PCDHA4: variants seen among roughly 807,000 people sequenced by gnomAD.
PCDHA4 encodes the protein protocadherin alpha-4.
Under a neutral mutation model 61.4 loss-of-function variants are expected in PCDHA4, and 49 were observed. The observed-to-expected ratio is 0.80, with a 90% confidence interval of 0.63 to 1.01. The LOEUF (loss-of-function observed/expected upper bound fraction) is 1.01. Ranked by LOEUF, PCDHA4 falls within the 50% of genes least tolerant of loss-of-function variation. The pLI, the probability that PCDHA4 is intolerant of heterozygous loss-of-function variation, is 0.00. For synonymous variants in PCDHA4, 590 were observed against 550.3 expected (o/e 1.07, Z -1.01); for missense variants, 1,254 against 1,235.8 (o/e 1.01, Z -0.22).
intron 1 of PCDHA4, chr5:140,870,054 T>G (rs895309313): frequency 1.2e-6 from 2 of 1,613,676 alleles, no homozygotes; most frequent in Non-Finnish European, 8.5e-7. Context: ...TTTATAAAAT[T>G]GAAGTACAGG....
chr5:140,916,910 A>G (rs898370877), intron 1 of PCDHA4, among the ~76,000 whole-genome samples: 3 of 152,194 alleles, frequency 2.0e-5, no homozygotes, highest in African/African-American at 7.2e-5. Context: ...AAGTTTACCT[A>G]GAACCTCAGA....
At chr5:140,935,616 C>T (rs1247673748) in intron 1 of PCDHA4, among the ~76,000 whole-genome samples, 13 of 151,976 alleles carry the variant, frequency 8.6e-5, no homozygotes, top group African/African-American at 3.1e-4. Flanking sequence ...TTTTTCAAGT[C>T]GCTTTCAAAT....
At chr5:140,911,987 G>A (rs1554195079) in intron 1 of PCDHA4, among the ~76,000 whole-genome samples, 1 of 152,086 alleles carries the variant, frequency 6.6e-6, no homozygotes, top group Admixed American at 6.6e-5. Context: ...TGATCACAAG[G>A]TCCCACAATA....
intron 1 of PCDHA4, among the ~76,000 whole-genome samples, chr5:140,838,812 C>T (rs1475973999): frequency 6.6e-6 from 1 of 151,910 alleles, no homozygotes; most frequent in Non-Finnish European, 1.5e-5. Context: ...GTTTCAGCTA[C>T]TCAAGAAACT....
rs781833961 is a variant in PCDHA4 at position 140,836,399 on chromosome 5, C to A, written c.2385+26827C>A. 2 of 1,613,764 alleles carry A rather than the reference C, an allele frequency of 1.2e-6. No homozygotes were observed. The highest frequency in any genetic ancestry group is 8.5e-7 in the Non-Finnish European group (1 of 1,179,846). On this transcript the variant is annotated intron_variant, in intron 1 of 3. Coordinates refer to ENST00000530339, the MANE Select transcript of PCDHA4 (RefSeq NM_018907.4). ...CCGTGCTGGTGTCGCTGGTGGAAAG[C>A]GGCCAGGCACCAAAGGCGTCGTCGC...
intron 1 of PCDHA4, chr5:140,863,693 C>T: frequency 3.3e-6 from 1 of 301,562 alleles, no homozygotes; most frequent in African/African-American, 2.2e-5. Flanking sequence ...TTTTGAGATG[C>T]TTTATTTAAA....
chr5:140,829,648 G>C (rs2150172028), intron 1 of PCDHA4: 2 of 1,612,244 alleles, frequency 1.2e-6, no homozygotes, highest in South Asian at 2.2e-5. Flanking sequence ...AGGTGTACGC[G>C]CTGCAGCCGC....
intron 1 of PCDHA4, chr5:140,828,394 G>A: frequency 6.2e-7 from 1 of 1,614,292 alleles, no homozygotes; most frequent in East Asian, 2.2e-5. Context: ...GGAGCGCGGA[G>A]TGCAGCATCC....
intron 1 of PCDHA4, among the ~76,000 whole-genome samples, chr5:140,905,926 A>G (rs1040903041): frequency 6.6e-6 from 1 of 152,318 alleles, no homozygotes; most frequent in East Asian, 1.9e-4. Flanking sequence ...TCTGAGTCCC[A>G]AAGCTGAAGA....
At chr5:140,968,852 A>G (rs1554231175) in intron 1 of PCDHA4, 1 of 1,614,196 alleles carries the variant, frequency 6.2e-7, no homozygotes, top group Non-Finnish European at 8.5e-7. Flanking sequence ...GAGGCATGTT[A>G]AGAGCCCTCG....
chr5:141,001,378 C>T (rs889628264), intron 3 of PCDHA4, among the ~76,000 whole-genome samples: 20 of 152,166 alleles, frequency 1.3e-4, no homozygotes, highest in African/African-American at 4.8e-4. Flanking sequence ...GATTACAGAG[C>T]CTAAGATCCT....
At chr5:140,961,872 G>A (rs2095639337) in intron 1 of PCDHA4, among the ~76,000 whole-genome samples, 1 of 151,532 alleles carries the variant, frequency 6.6e-6, no homozygotes, top group Non-Finnish European at 1.5e-5. Flanking sequence ...ACAGATAATT[G>A]ACTTACTTAC....
intron 1 of PCDHA4, chr5:140,850,332 C>T (rs1349532162): frequency 1.3e-6 from 2 of 1,597,432 alleles, no homozygotes; most frequent in Admixed American, 1.7e-5. Context: ...CGAGCTGCAG[C>T]CAGAAACGGC....
At chr5:141,002,134 C>T (rs1477082485) in intron 3 of PCDHA4, among the ~76,000 whole-genome samples, 1 of 152,216 alleles carries the variant, frequency 6.6e-6, no homozygotes, top group African/African-American at 2.4e-5. Flanking sequence ...TAGCCTTTGC[C>T]GGCTGCACTG....
At chr5:140,822,783 A>G (rs1177899352) in intron 1 of PCDHA4, 2 of 1,614,034 alleles carry the variant, frequency 1.2e-6, no homozygotes, top group African/African-American at 1.3e-5. Flanking sequence ...GTAAAGTAGT[A>G]GTGAAACTCC....
intron 1 of PCDHA4, among the ~76,000 whole-genome samples, chr5:140,879,372 G>T (rs1434937494): frequency 1.3e-5 from 2 of 152,172 alleles, no homozygotes; most frequent in African/African-American, 4.8e-5. Context: ...CCAACCTGCA[G>T]AACAAGGTTG....
chr5:140,980,229 T>C (rs2096881022), intron 2 of PCDHA4, among the ~76,000 whole-genome samples: 1 of 152,232 alleles, frequency 6.6e-6, no homozygotes, highest in South Asian at 2.1e-4. Flanking sequence ...TCTGAGCTGT[T>C]GGTGGAGACA....
intron 1 of PCDHA4, among the ~76,000 whole-genome samples, chr5:140,962,126 C>T (rs1429316991): frequency 6.6e-6 from 1 of 152,094 alleles, no homozygotes; most frequent in African/African-American, 2.4e-5. Flanking sequence ...ACCTTGGCCT[C>T]GGCCTCCCAA....
chr5:140,816,485 G>A (rs1765913989), intron 1 of PCDHA4: 2 of 149,216 alleles, frequency 1.3e-5, no homozygotes, highest in African/African-American at 5.0e-5. Context: ...TATTTCTTTA[G>A]GTTTGGTTTC....
Sources: gnomAD v4.1 joint callset for allele counts (sites outside exome capture counted in the v4.1 genomes callset) on GRCh38, gnomAD v4.1.1 for gene constraint, MANE v1.5 for transcripts, NCBI Gene and HGNC (gene_info 2026-07-23, HGNC 2026-07-21) for gene names.